The following PTPRN2 variants were observed in gnomAD, a reference collection of about 807,000 sequenced individuals.
PTPRN2 encodes the protein receptor-type tyrosine-protein phosphatase N2.
PTPRN2 carries 74 observed loss-of-function variants against 118.8 expected under a neutral mutation model. The ratio of observed to expected loss-of-function variants is 0.62; its 90% CI spans 0.52 to 0.76. PTPRN2 has a LOEUF of 0.76. Ranked by LOEUF, PTPRN2 falls within the 30% of genes least tolerant of loss-of-function variation. The pLI is 0.00. For missense variants in PTPRN2, 1,481 were observed against 1,394.4 expected, an observed-to-expected ratio of 1.06 and a Z score of -0.99; for synonymous variants, 641 against 608.0, an observed-to-expected ratio of 1.05 and a Z score of -0.80.
intron 10 of PTPRN2, among the ~76,000 whole-genome samples, chr7:158,092,284 G>GTA (rs201439943): frequency 0.064 from 9,012 of 139,924 alleles, 772 homozygotes; most frequent in African/African-American, 0.2. Context: ...ATGTGTGTGT[G>GTA]TATATATATG....
At chr7:158,329,566 A>G (rs998464960) in intron 2 of PTPRN2, among the ~76,000 whole-genome samples, 3 of 152,182 alleles carry the variant, frequency 2.0e-5, no homozygotes, top group Admixed American at 6.5e-5. Context: ...GACTCGCCAG[A>G]CACCAGACGT....
At chr7:158,145,409 G>A (rs1053480873) in intron 6 of PTPRN2, among the ~76,000 whole-genome samples, 11 of 152,238 alleles carry the variant, frequency 7.2e-5, no homozygotes, top group African/African-American at 2.7e-4. Flanking sequence ...GTACAGCGTG[G>A]TACAGTGAGC....
At chr7:158,151,516 A>ACACCGCCCGCCTTTCTATTCCTGCCTCT (rs1563522299) in intron 6 of PTPRN2, among the ~76,000 whole-genome samples, 1 of 10,436 alleles carries the variant, frequency 9.6e-5, no homozygotes, top group African/African-American at 3.7e-4. Context: ...TCTGCTCCTC[A>ACACCGCCCGCCTTTCTATTCCTGCCTCT]CCGCACGTCC....
At chr7:158,035,348 G>A (rs1808021310) in intron 11 of PTPRN2, among the ~76,000 whole-genome samples, 1 of 152,230 alleles carries the variant, frequency 6.6e-6, no homozygotes, top group African/African-American at 2.4e-5. Flanking sequence ...AAAAGGGACA[G>A]GCACAAATTT....
chr7:157,819,266 T>G (rs1283320159), intron 12 of PTPRN2, among the ~76,000 whole-genome samples: 1 of 152,124 alleles, frequency 6.6e-6, no homozygotes, highest in South Asian at 2.1e-4. Context: ...CTCACCCCCA[T>G]GCCTCATCAG....
intron 4 of PTPRN2, among the ~76,000 whole-genome samples, chr7:158,199,448 G>T (rs975469736): frequency 6.6e-6 from 1 of 152,238 alleles, no homozygotes; most frequent in African/African-American, 2.4e-5. Context: ...AAATGAGCTT[G>T]TGGTTGCCAC....
chr7:157,924,482 C>A (rs1798860331), intron 11 of PTPRN2, among the ~76,000 whole-genome samples: 1 of 152,224 alleles, frequency 6.6e-6, no homozygotes, highest in East Asian at 1.9e-4. Context: ...CCTCCAAAGG[C>A]CCCATCCACA....
At chr7:158,322,091 C>A (rs535487802) in intron 2 of PTPRN2, among the ~76,000 whole-genome samples, 2 of 152,172 alleles carry the variant, frequency 1.3e-5, no homozygotes, top group African/African-American at 2.4e-5. Context: ...ATTGCCTGAG[C>A]CTTGCAAAGC....
chr7:157,670,276 G>C (rs543301516), intron 13 of PTPRN2, among the ~76,000 whole-genome samples: 1 of 152,166 alleles, frequency 6.6e-6, no homozygotes, highest in East Asian at 1.9e-4. Flanking sequence ...AGCTGCATCC[G>C]AGAGTGACCG....
In PTPRN2 at chr7:157,604,872, C is replaced by T. The variant is rs182015225; in HGVS notation, c.2345-797G>A. On this transcript the variant is annotated intron_variant, in intron 15 of 22. Transcript: ENST00000389418. ...TAACCCCCATCCTGCTTGCTGTGGC[C>T]GCCCTCCTCTTTGCTCTGTTTTTAG... 3.1e-3 allele frequency among the ~76,000 whole-genome samples: 470 copies of T among 152,318 alleles called. 6 individuals are homozygous for T. The highest frequency in any genetic ancestry group is 0.011 in the African/African-American group (447 of 41,550).
At chr7:158,170,490 T>TTTA (rs952340408) in intron 5 of PTPRN2, among the ~76,000 whole-genome samples, 24 of 152,350 alleles carry the variant, frequency 1.6e-4, no homozygotes, top group African/African-American at 5.8e-4. Context: ...TGCAGTAGAC[T>TTTA]TGGATAAACA....
Position 157,834,577 on chromosome 7 carries a change from C to T in PTPRN2, c.1788+64096G>A, listed in dbSNP as rs560518568. Among the ~76,000 whole-genome samples, 18 of 152,380 alleles carry T rather than the reference C, an allele frequency of 1.2e-4. No homozygotes were observed. In the East Asian group the frequency reaches 1.5e-3, roughly 13 times the overall value. ...CCATCAATTGATCAGTCGACCCACC[C>T]GCTGGCTACCAGGGGCACCCAGCGC... is the stretch of plus-strand genomic sequence containing the variant. On this transcript the variant is annotated intron_variant, in intron 12 of 22. Transcript: ENST00000389418.
intron 2 of PTPRN2, among the ~76,000 whole-genome samples, chr7:158,317,181 A>G (rs1586230449): frequency 6.6e-6 from 1 of 152,122 alleles, no homozygotes; most frequent in East Asian, 1.9e-4. Flanking sequence ...CAATGTTGTC[A>G]CTCCACTTTC....
intron 15 of PTPRN2, chr7:157,616,080 A>C (rs1037804320): frequency 4.6e-5 from 8 of 175,038 alleles, no homozygotes; most frequent in African/African-American, 1.9e-4. Flanking sequence ...TGCCACCCCG[A>C]AGGCCAGGCT....
intron 9 of PTPRN2, among the ~76,000 whole-genome samples, chr7:158,129,654 G>A (rs1218811471): frequency 6.6e-6 from 1 of 152,116 alleles, no homozygotes; most frequent in African/African-American, 2.4e-5. Flanking sequence ...CCTAGGGAGG[G>A]AGACGTCCAC....
intron 5 of PTPRN2, among the ~76,000 whole-genome samples, chr7:158,171,310 T>TAA (rs1343884902): frequency 3.0e-5 from 2 of 67,638 alleles, no homozygotes; most frequent in South Asian, 4.6e-4. Context: ...TATACACACA[T>TAA]ATATATATAT....
chr7:157,844,093 G>A (rs1220261904), intron 12 of PTPRN2, among the ~76,000 whole-genome samples: 2 of 151,304 alleles, frequency 1.3e-5, no homozygotes, highest in Non-Finnish European at 3.0e-5. Flanking sequence ...GATGTGGAAC[G>A]CAGGCCCCTC....
chr7:158,433,311 G>T (rs1011049006), intron 2 of PTPRN2, among the ~76,000 whole-genome samples: 12 of 152,150 alleles, frequency 7.9e-5, no homozygotes, highest in African/African-American at 2.2e-4. Context: ...GTACTCATAG[G>T]AGTGGGATTA....
At position 158,546,008 on chromosome 7, in the gene PTPRN2, A is replaced by C. The variant is rs758299047; in HGVS notation, c.112+41550T>G. Among the ~76,000 whole-genome samples, 3 of 152,164 alleles carry C rather than the reference A, an allele frequency of 2.0e-5. No individual in the cohort carries two copies. The highest frequency in any genetic ancestry group is 4.4e-5 in the Non-Finnish European group (3 of 68,030). On this transcript the variant is annotated intron_variant, in intron 1 of 22. Coordinates refer to ENST00000389418, the MANE Select transcript of PTPRN2 (RefSeq NM_002847.5). This position sits in a 1 kb window ranked among gnomAD's most constrained non-coding sequence, Gnocchi z 5.0. ...AAAAAAAAGAAAGAAAGAAAGAAAA[A>C]TTCAAATCTTAATTACAGGACTTTC...
Sources: allele counts gnomAD v4.1 joint callset (sites outside exome capture counted in the v4.1 genomes callset), GRCh38; gene constraint gnomAD v4.1.1; non-coding constraint Gnocchi (gnomAD v3.1); transcripts MANE v1.5; gene names NCBI Gene and HGNC (gene_info 2026-07-23, HGNC 2026-07-21).